Variants in HSD17B2 observed in about 807,000 individuals in gnomAD.
HSD17B2 encodes hydroxysteroid 17-beta dehydrogenase 2.
In HSD17B2, 32 loss-of-function variants were observed where a neutral mutation model predicts 26.9. That is an observed-to-expected ratio of 1.19 (90% confidence interval 0.90 to 1.60). The LOEUF (loss-of-function observed/expected upper bound fraction) is 1.60. Ranked by LOEUF, HSD17B2 falls within the 40% of genes most tolerant of loss-of-function variation. HSD17B2 has a pLI of 0.00. For synonymous variants in HSD17B2, 246 were observed against 186.7 expected (o/e 1.32, Z -2.59); for missense variants, 613 against 468.6 (o/e 1.31, Z -2.85).
intron 4 of HSD17B2, chr16:82,092,828 G>C (rs1295884582): frequency 6.6e-6 from 1 of 152,268 alleles, no homozygotes; most frequent in African/African-American, 2.4e-5. Flanking sequence ...GAGGGAAGCT[G>C]CTTGAGAGCT....
intron 3 of HSD17B2, among the ~76,000 whole-genome samples, chr16:82,077,519 A>G (rs938018451): frequency 5.3e-5 from 8 of 152,206 alleles, no homozygotes; most frequent in Non-Finnish European, 1.0e-4. Context: ...GCTTGAGTCC[A>G]GGAGTTCAAA....
chr16:82,084,605 TAATTGTACA>T (rs562730454), intron 3 of HSD17B2, among the ~76,000 whole-genome samples: 23 of 152,338 alleles, frequency 1.5e-4, no homozygotes, highest in Middle Eastern at 3.4e-3. Context: ...AAAACAATTC[TAATTGTACA>T]AAGGACAGTT....
intron 3 of HSD17B2, among the ~76,000 whole-genome samples, chr16:82,080,455 G>A (rs890299454): frequency 6.6e-6 from 1 of 152,064 alleles, no homozygotes; most frequent in African/African-American, 2.4e-5. Context: ...TAGAGGAAGG[G>A]GCCAGAAACC....
intron 3 of HSD17B2, among the ~76,000 whole-genome samples, chr16:82,079,842 T>A (rs1303666253): frequency 6.6e-6 from 1 of 152,224 alleles, no homozygotes; most frequent in African/African-American, 2.4e-5. Flanking sequence ...TGATGCTGAC[T>A]TGTTGATATA....
At chr16:82,084,741 T>C (rs1904476401) in intron 3 of HSD17B2, among the ~76,000 whole-genome samples, 1 of 152,074 alleles carries the variant, frequency 6.6e-6, no homozygotes, top group Admixed American at 6.5e-5. Context: ...GAGTTGAAGA[T>C]AAACCCCTCT....
chr16:82,040,434 A>G (rs1913736709), intron 1 of HSD17B2, among the ~76,000 whole-genome samples: 1 of 152,234 alleles, frequency 6.6e-6, no homozygotes. Flanking sequence ...AAACAAGGAA[A>G]TGCGTCCAAA....
chr16:82,038,851 T>A (rs1913690305), intron 1 of HSD17B2, among the ~76,000 whole-genome samples: 1 of 152,058 alleles, frequency 6.6e-6, no homozygotes, highest in Admixed American at 6.6e-5. Context: ...TGGGCGGACG[T>A]GGGGTGGTGT....
chr16:82,044,831 C>G (rs1913872113), intron 1 of HSD17B2, among the ~76,000 whole-genome samples: 1 of 152,084 alleles, frequency 6.6e-6, no homozygotes, highest in Non-Finnish European at 1.5e-5. Context: ...AAAACCAACA[C>G]TTCTGACTGG....
At chr16:82,076,432 A>C (rs1904302749) in intron 3 of HSD17B2, among the ~76,000 whole-genome samples, 1 of 152,254 alleles carries the variant, frequency 6.6e-6, no homozygotes, top group South Asian at 2.1e-4. Flanking sequence ...CAAGCTGGAA[A>C]GGAAGAAGTT....
chr16:82,037,909 G>A (rs1478292319), intron 1 of HSD17B2, among the ~76,000 whole-genome samples: 1 of 152,202 alleles, frequency 6.6e-6, no homozygotes, highest in African/African-American at 2.4e-5. Flanking sequence ...TTGGATTAGT[G>A]TGCTGGAAAT....
intron 3 of HSD17B2, among the ~76,000 whole-genome samples, chr16:82,075,396 G>C (rs551688470): frequency 1.6e-4 from 25 of 152,060 alleles, no homozygotes; most frequent in African/African-American, 6.0e-4. Flanking sequence ...CAATACAAAA[G>C]ATCAGCAAAA....
chr16:82,048,119 T>C (rs1438069013), intron 1 of HSD17B2, among the ~76,000 whole-genome samples: 2 of 152,156 alleles, frequency 1.3e-5, no homozygotes, highest in East Asian at 1.9e-4. Flanking sequence ...AGATGGAAGA[T>C]AAAATTAGAT....
intron 1 of HSD17B2, among the ~76,000 whole-genome samples, chr16:82,043,191 G>A (rs918092268): frequency 2.0e-5 from 3 of 152,178 alleles, no homozygotes; most frequent in African/African-American, 7.2e-5. Flanking sequence ...TTCCCTAGTG[G>A]AGCACATAGA....
intron 3 of HSD17B2, among the ~76,000 whole-genome samples, chr16:82,088,032 T>G (rs1028942262): frequency 2.0e-5 from 3 of 152,184 alleles, no homozygotes; most frequent in South Asian, 4.1e-4. Context: ...CCACAGCGCT[T>G]ACCCATAAGG....
intron 3 of HSD17B2, among the ~76,000 whole-genome samples, chr16:82,078,085 G>A (rs890348938): frequency 2.0e-5 from 3 of 152,114 alleles, no homozygotes; most frequent in African/African-American, 4.8e-5. Flanking sequence ...TCAACAAAGT[G>A]AAGAGACAAC....
At chr16:82,050,808 T>C (rs1914084175) in intron 1 of HSD17B2, among the ~76,000 whole-genome samples, 1 of 152,200 alleles carries the variant, frequency 6.6e-6, no homozygotes, top group Admixed American at 6.5e-5. Flanking sequence ...CATGCTTTTG[T>C]TTTGTTTTTG....
chr16:82,036,825 G>T (rs1199287082), intron 1 of HSD17B2, among the ~76,000 whole-genome samples: 1 of 152,184 alleles, frequency 6.6e-6, no homozygotes, highest in Non-Finnish European at 1.5e-5. Context: ...GTATCTGGGA[G>T]TCTGGCTGGA....
At chr16:82,037,542 G>C (rs1173749978) in intron 1 of HSD17B2, among the ~76,000 whole-genome samples, 1 of 152,104 alleles carries the variant, frequency 6.6e-6, no homozygotes, top group Non-Finnish European at 1.5e-5. Flanking sequence ...TCCTTTATCT[G>C]ATAATTCAAG....
intron 2 of HSD17B2, among the ~76,000 whole-genome samples, chr16:82,070,545 A>G (rs1914674541): frequency 6.6e-6 from 1 of 152,260 alleles, no homozygotes; most frequent in African/African-American, 2.4e-5. Flanking sequence ...CCCATGTGGC[A>G]TGCCCGTGAT....
Sources: allele counts gnomAD v4.1 joint callset (sites outside exome capture counted in the v4.1 genomes callset), GRCh38; gene constraint gnomAD v4.1.1; transcripts MANE v1.5; gene names NCBI Gene and HGNC (gene_info 2026-07-23, HGNC 2026-07-21).